ZNF469: variants seen among roughly 807,000 people sequenced by gnomAD.
The protein encoded by ZNF469 is zinc finger protein 469.
In ZNF469, 1 loss-of-function variant was observed where a neutral mutation model predicts 1.0. The observed-to-expected ratio is 1.00, with a 90% CI of 0.35 to 4.73. The LOEUF (loss-of-function observed/expected upper bound fraction) is 4.73. ZNF469 is among the 30% of genes most tolerant of loss of function. The probability of loss-of-function intolerance (pLI) is 0.16; values close to 1 mark genes in which losing one functional copy is unlikely to be tolerated. For missense variants in ZNF469, 6,100 were observed against 5,356.3 expected, an observed-to-expected ratio of 1.14 and a Z score of -4.33; for synonymous variants, 2,703 against 2,363.4, an observed-to-expected ratio of 1.14 and a Z score of -4.17.
At chr16:88,180,693 G>A in the ZNF469 span, among the ~76,000 whole-genome samples, 1 of 152,080 alleles carries the variant, frequency 6.6e-6, no homozygotes, top group African/African-American at 2.4e-5. Flanking sequence ...AGAATTGCTT[G>A]AACCCATGAG....
rs1228405173 is a variant in ZNF469 at position 88,432,871 on chromosome 16, G to C, written c.5401G>C (p.Val1801Leu). 1.3e-6 allele frequency: 2 copies of C among 1,550,384 alleles called. No individual in the cohort carries two copies. The highest frequency in any genetic ancestry group is 3.9e-5 in the Admixed American group (2 of 51,010). The change falls in exon 3 of 3, where the codon GTC (valine) becomes CTC (leucine). Residue 1801 changes from valine (V) to leucine (L), a missense_variant. Transcript: ENST00000565624. ...TCCAGAAGCTTTTGGCAGCCCTGCTGTCCATCTGGCCCCTGACTTGGCATT... is the reference window on the plus strand; with the variant it reads ...TCCAGAAGCTTTTGGCAGCCCTGCTCTCCATCTGGCCCCTGACTTGGCATT... ...PAPEAFGSPA[V>L]HLAPDLAFQG...
the ZNF469 span, among the ~76,000 whole-genome samples, chr16:88,255,562 G>A: frequency 1.0e-3 from 154 of 152,330 alleles, no homozygotes; most frequent in Non-Finnish European, 1.5e-3. Flanking sequence ...CCTCACTAGA[G>A]TGGTACATTC....
chr16:88,388,700 G>A (rs1436869614), intron 1 of ZNF469, among the ~76,000 whole-genome samples: 1 of 152,198 alleles, frequency 6.6e-6, no homozygotes, highest in Non-Finnish European at 1.5e-5. Flanking sequence ...AGAAGCCGGA[G>A]AGCCTGATGC....
chr16:88,296,324 C>T, the ZNF469 span, among the ~76,000 whole-genome samples: 6 of 152,242 alleles, frequency 3.9e-5, no homozygotes, highest in South Asian at 4.1e-4. Flanking sequence ...GCTCCAGCTG[C>T]GTGGGGGTGG....
chr16:88,297,961 A>T, the ZNF469 span, among the ~76,000 whole-genome samples: 1 of 152,054 alleles, frequency 6.6e-6, no homozygotes, highest in Non-Finnish European at 1.5e-5. Context: ...CAGCTTGAGG[A>T]AGGAGGTTCC....
intron 1 of ZNF469, among the ~76,000 whole-genome samples, chr16:88,392,248 A>G (rs1478031464): frequency 6.6e-6 from 1 of 152,286 alleles, no homozygotes; most frequent in Non-Finnish European, 1.5e-5. Flanking sequence ...GATTCTGGCC[A>G]GCGATGTGCA....
At chr16:88,148,332 C>T in the ZNF469 span, among the ~76,000 whole-genome samples, 37 of 152,326 alleles carry the variant, frequency 2.4e-4, no homozygotes, top group South Asian at 5.8e-3. Flanking sequence ...TGCCCCAGCA[C>T]AGGAGGTCCA....
the ZNF469 span, among the ~76,000 whole-genome samples, chr16:88,243,687 G>C: frequency 5.2e-4 from 79 of 150,814 alleles, no homozygotes; most frequent in Non-Finnish European, 8.0e-4. Context: ...GGGTAGATGG[G>C]TGGACAGATG....
chr16:88,394,851 C>A (rs1300078780), intron 1 of ZNF469, among the ~76,000 whole-genome samples: 2 of 152,156 alleles, frequency 1.3e-5, no homozygotes, highest in Non-Finnish European at 2.9e-5. Flanking sequence ...CTCTCATGGT[C>A]CCCGAGATAC....
chr16:88,342,737 G>C, the ZNF469 span, among the ~76,000 whole-genome samples: 13,857 of 152,296 alleles, frequency 0.091, 756 homozygotes, highest in South Asian at 0.15. Flanking sequence ...CATCTGTTCT[G>C]CGTTGGGCCA....
At chr16:88,326,329 C>T in the ZNF469 span, among the ~76,000 whole-genome samples, 968 of 152,308 alleles carry the variant, frequency 6.4e-3, 6 homozygotes, top group African/African-American at 0.022. Flanking sequence ...AAGAAGTGAC[C>T]TGCTCCTCCT....
chr16:88,109,751 G>T, the ZNF469 span, among the ~76,000 whole-genome samples: 1 of 150,316 alleles, frequency 6.7e-6, no homozygotes. Context: ...CTGTGTCCAC[G>T]CTGTCTCCTC....
chr16:88,162,229 T>C, the ZNF469 span, among the ~76,000 whole-genome samples: 4 of 152,084 alleles, frequency 2.6e-5, no homozygotes, highest in Admixed American at 6.6e-5. Flanking sequence ...ATTTTTTCAA[T>C]AAAATATTTC....
chr16:88,426,520 G>A (rs942642917), intron 2 of ZNF469, among the ~76,000 whole-genome samples: 4 of 152,258 alleles, frequency 2.6e-5, no homozygotes, highest in Admixed American at 2.6e-4. Context: ...GTGAGCAAGG[G>A]GCCAGGCTCC....
At chr16:88,270,716 C>T in the ZNF469 span, among the ~76,000 whole-genome samples, 1 of 152,236 alleles carries the variant, frequency 6.6e-6, no homozygotes, top group Non-Finnish European at 1.5e-5. Context: ...TTGTTTTTCT[C>T]TTGGCTTTTG....
chr16:88,251,536 G>GTTTT, the ZNF469 span, among the ~76,000 whole-genome samples: 5 of 78,788 alleles, frequency 6.3e-5, no homozygotes, highest in Non-Finnish European at 7.0e-5. Context: ...TGTCCCTGCT[G>GTTTT]TCTTTTTTTT....
chr16:88,268,626 G>A, the ZNF469 span, among the ~76,000 whole-genome samples: 27 of 152,068 alleles, frequency 1.8e-4, no homozygotes, highest in Admixed American at 5.2e-4. Context: ...TCATATCCCC[G>A]TGGGGGTTGG....
chr16:88,170,340 G>T, the ZNF469 span, among the ~76,000 whole-genome samples: 1 of 152,070 alleles, frequency 6.6e-6, no homozygotes. This position sits in a 1 kb window ranked among gnomAD's most constrained non-coding sequence, Gnocchi z 4.2. Flanking sequence ...ATACGCAATC[G>T]ATTATTCTGA....
the ZNF469 span, among the ~76,000 whole-genome samples, chr16:88,266,605 T>C: frequency 6.6e-6 from 1 of 152,054 alleles, no homozygotes; most frequent in African/African-American, 2.4e-5. Flanking sequence ...CAGTAGAAGG[T>C]TGGTGGTTTT....
Sources: gnomAD v4.1 joint callset for allele counts (sites outside exome capture counted in the v4.1 genomes callset) on GRCh38, gnomAD v4.1.1 for gene constraint, Gnocchi (gnomAD v3.1) non-coding constraint, MANE v1.5 for transcripts, NCBI Gene and HGNC (gene_info 2026-07-23, HGNC 2026-07-21) for gene names.